Variants in PITPNM2 observed in about 807,000 individuals in gnomAD.
PITPNM2 encodes the protein membrane-associated phosphatidylinositol transfer protein 2.
Under a neutral mutation model 132.2 loss-of-function variants are expected in PITPNM2, and 35 were observed. The observed-to-expected ratio is 0.26, with a 90% CI of 0.20 to 0.35. PITPNM2 has a LOEUF of 0.35. Among genes scored for constraint, PITPNM2 ranks in the 10% least tolerant of loss-of-function variants. PITPNM2 has a pLI of 1.00. For missense variants in PITPNM2, 1,332 were observed against 1,912.0 expected, an observed-to-expected ratio of 0.70 and a Z score of 5.66; for synonymous variants, 738 against 799.2, an observed-to-expected ratio of 0.92 and a Z score of 1.29.
chr12:123,130,630 A>G (rs1350422702), intron 1 of PITPNM2, among the ~76,000 whole-genome samples: 1 of 152,150 alleles, frequency 6.6e-6, no homozygotes, highest in African/African-American at 2.4e-5. Flanking sequence ...AATACAAAAA[A>G]TTAGCCGGGC....
Position 122,994,770 on chromosome 12 carries a change from AC to A in PITPNM2, c.2233+30del. On this transcript the variant is annotated intron_variant, in intron 15 of 25. Transcript: ENST00000320201. The surrounding 1 kb of genome is among the most constrained non-coding windows in gnomAD (Gnocchi z 5.4). Reference sequence around the variant, plus strand: ...CCCCGCCCCCGCACCCAGTGCATGTACCCCCCATCCTGCCCCTGCTGGGCTC... The same window carrying A: ...CCCCGCCCCCGCACCCAGTGCATGTACCCCCATCCTGCCCCTGCTGGGCTC... The A allele has an allele frequency of 1.3e-6, 2 of 1,591,906 alleles. No homozygotes were observed.
Position 123,023,488 on chromosome 12 carries a change from C to T in PITPNM2, c.79-9446G>A, listed in dbSNP as rs2039746966. The stretch of plus-strand genomic sequence containing the variant: ...ACATGGGGAAACTGAGGGCCAGGGA[C>T]TGGAAGCAACATGTTTGGGCCACAA... On this transcript the variant is annotated intron_variant, in intron 3 of 25. Transcript: ENST00000320201. The surrounding 1 kb of genome is among the most constrained non-coding windows in gnomAD (Gnocchi z 4.8). 6.6e-6 allele frequency among the ~76,000 whole-genome samples: 1 copy of T among 152,148 alleles called. No individual in the cohort carries two copies. Among genetic ancestry groups the T allele is most frequent in the African/African-American group, 2.4e-5 (1 of 41,424 alleles).
chr12:123,132,322 A>C (rs1465482695), intron 1 of PITPNM2, among the ~76,000 whole-genome samples: 1 of 152,066 alleles, frequency 6.6e-6, no homozygotes, highest in Non-Finnish European at 1.5e-5. Flanking sequence ...TGGCGGGTAC[A>C]CTGCTGAGCA....
At chr12:122,991,476 G>C (rs2038182322) in intron 16 of PITPNM2, among the ~76,000 whole-genome samples, 2 of 152,234 alleles carry the variant, frequency 1.3e-5, no homozygotes. Flanking sequence ...GCAGAGCCCT[G>C]GAACTGTCGC....
chr12:123,136,335 A>C (rs1312499677), intron 1 of PITPNM2, among the ~76,000 whole-genome samples: 32 of 152,072 alleles, frequency 2.1e-4, no homozygotes, highest in Admixed American at 2.1e-3. Context: ...TATCAAAACC[A>C]GAAAAAATAA....
intron 1 of PITPNM2, among the ~76,000 whole-genome samples, chr12:123,144,103 A>C (rs1180968788): frequency 6.6e-6 from 1 of 152,242 alleles, no homozygotes; most frequent in Non-Finnish European, 1.5e-5. Flanking sequence ...AAAAAATTTG[A>C]GTTGCCTGAT....
At chr12:123,059,111 G>A (rs2041142706) in intron 2 of PITPNM2, among the ~76,000 whole-genome samples, 2 of 152,206 alleles carry the variant, frequency 1.3e-5, no homozygotes, top group Admixed American at 6.5e-5. Flanking sequence ...GGCAGGGAGA[G>A]AACCAGGCAG....
chr12:122,995,629 A>T lies in PITPNM2; in HGVS notation c.1814T>A (p.Met605Lys). 1 of 1,602,820 alleles carries T rather than the reference A, an allele frequency of 6.2e-7. No homozygotes were observed. The highest frequency in any genetic ancestry group is 1.7e-4 in the Middle Eastern group (1 of 6,042). ...DNDLLSPGIL[M>K]NAAHCCGGGG... ...ACCACCGCAGCAGTGTGCTGCATTCATCAGGATGCCCGGGGACAGCAGGTC... is the reference window on the plus strand; with the variant it reads ...ACCACCGCAGCAGTGTGCTGCATTCTTCAGGATGCCCGGGGACAGCAGGTC... The change falls in exon 14 of 26, where the codon ATG (methionine) becomes AAG (lysine). Residue 605 changes from methionine (M) to lysine (K), a missense_variant. Coordinates refer to ENST00000320201, the MANE Select transcript of PITPNM2 (RefSeq NM_020845.3).
At position 122,992,726 on chromosome 12, in the gene PITPNM2, G is replaced by A; in HGVS notation, c.2234-57C>T. On this transcript the variant is annotated intron_variant, in intron 15 of 25. Transcript: ENST00000320201. This position sits in a 1 kb window ranked among gnomAD's most constrained non-coding sequence, Gnocchi z 6.5. ...GGCTGGCCCTGAGGAGCAGTGGTGGGGGTGGGAAATTTGGGAACTGGGCAC... is the reference window on the plus strand; with the variant it reads ...GGCTGGCCCTGAGGAGCAGTGGTGGAGGTGGGAAATTTGGGAACTGGGCAC... 2 of 1,396,536 alleles carry A rather than the reference G, an allele frequency of 1.4e-6. No individual in the cohort carries two copies. The highest frequency in any genetic ancestry group is 1.4e-5 in the South Asian group (1 of 71,934). 86.5% of individuals were successfully genotyped at this position (1,396,536 alleles called of 1,614,324 possible). A position where few individuals can be genotyped will look rare whatever the true frequency, so the allele number is the denominator to read the frequency against.
At chr12:123,123,440 C>T (rs891614916) in intron 1 of PITPNM2, among the ~76,000 whole-genome samples, 2 of 151,932 alleles carry the variant, frequency 1.3e-5, no homozygotes, top group African/African-American at 4.8e-5. Flanking sequence ...AGCAAGACTC[C>T]ATGTCTACAA....
At position 123,001,124 on chromosome 12, in the gene PITPNM2, C is replaced by T; in HGVS notation, c.1083G>A (p.Lys361=). Residue 361 remains lysine (K), a synonymous_variant, in exon 9 of 26, where the codon AAG becomes AAA. Coordinates refer to ENST00000320201, the MANE Select transcript of PITPNM2 (RefSeq NM_020845.3). ...DLSDTEEMFP[K]DITKWSSNDL... ...CATTGGAGCTCCACTTGGTGATGTC[C>T]TTGGGGAACATTTCCTCTGTGTCGG... 6.2e-7 allele frequency: 1 copy of T among 1,614,156 alleles called. No homozygotes were observed. Among genetic ancestry groups the T allele is most frequent in the Non-Finnish European group, 8.5e-7 (1 of 1,180,018 alleles).
At chr12:123,015,331 G>C (rs986806582) in intron 3 of PITPNM2, among the ~76,000 whole-genome samples, 2 of 151,534 alleles carry the variant, frequency 1.3e-5, no homozygotes, top group African/African-American at 2.4e-5. Flanking sequence ...GCACTGGATA[G>C]GATAGACAAA....
rs988489014 is a variant in PITPNM2, at chr12:122,987,950, G to C, written c.2998-49C>G. 1.7e-5 allele frequency: 26 copies of C among 1,520,706 alleles called. No homozygotes were observed. The Admixed American group carries it at 3.0e-4, about 18-fold the overall frequency. 94.2% of individuals were successfully genotyped at this position (1,520,706 alleles called of 1,614,324 possible). On this transcript the variant is annotated intron_variant, in intron 20 of 25. Transcript: ENST00000320201. ...GGTCAGGGGGTCGGAGGGCACCCCG[G>C]GTCCCTGTGTTCTGCTCAAGCTCTG... is the stretch of plus-strand genomic sequence containing the variant.
At chr12:123,051,032 T>C (rs929189757) in intron 2 of PITPNM2, among the ~76,000 whole-genome samples, 1 of 152,198 alleles carries the variant, frequency 6.6e-6, no homozygotes, top group Non-Finnish European at 1.5e-5. Flanking sequence ...TACTACAATA[T>C]GAATGACACT....
At chr12:123,042,492 G>A (rs1428273562) in intron 2 of PITPNM2, among the ~76,000 whole-genome samples, 1 of 152,132 alleles carries the variant, frequency 6.6e-6, no homozygotes, top group African/African-American at 2.4e-5. Flanking sequence ...AGTTAAGGGG[G>A]GATGGAATCC....
chr12:123,046,888 G>T (rs1468676981), intron 2 of PITPNM2, among the ~76,000 whole-genome samples: 1 of 152,154 alleles, frequency 6.6e-6, no homozygotes, highest in Non-Finnish European at 1.5e-5. Flanking sequence ...AGTAAGTGAT[G>T]GAGTCAAGTG....
At chr12:123,110,815 C>A (rs2042819702) in intron 1 of PITPNM2, among the ~76,000 whole-genome samples, 1 of 152,178 alleles carries the variant, frequency 6.6e-6, no homozygotes, top group Non-Finnish European at 1.5e-5. Context: ...CTGTCTCAAA[C>A]CTTGATTTTT....
intron 1 of PITPNM2, among the ~76,000 whole-genome samples, chr12:123,118,495 C>T (rs950723688): frequency 6.6e-6 from 1 of 152,228 alleles, no homozygotes; most frequent in Non-Finnish European, 1.5e-5. Flanking sequence ...TAGCTGTGTG[C>T]TTCCTGGTAG....
chr12:123,036,048 A>C lies in PITPNM2; in HGVS notation c.-95-1363T>G, dbSNP rs1222335112. ...CTAACGGTAGTATTTTAGCAAGACT[A>C]CTCCAAGGACAGCAGCCAGGGAGGA... On this transcript the variant is annotated intron_variant, in intron 2 of 25. Transcript: ENST00000320201. This position sits in a 1 kb window ranked among gnomAD's most constrained non-coding sequence, Gnocchi z 4.1. 6.6e-6 allele frequency among the ~76,000 whole-genome samples: 1 copy of C among 151,856 alleles called. No individual in the cohort carries two copies. Among genetic ancestry groups the C allele is most frequent in the East Asian group, 1.9e-4 (1 of 5,158 alleles).
Sources: allele counts gnomAD v4.1 joint callset (sites outside exome capture counted in the v4.1 genomes callset), GRCh38; gene constraint gnomAD v4.1.1; non-coding constraint Gnocchi (gnomAD v3.1); transcripts MANE v1.5; gene names NCBI Gene and HGNC (gene_info 2026-07-23, HGNC 2026-07-21).